CLASP1: variants seen among roughly 807,000 people sequenced by gnomAD.
CLASP1 encodes cytoplasmic linker associated protein 1.
In CLASP1, 38 loss-of-function variants were observed where a neutral mutation model predicts 192.3. That is an observed-to-expected ratio of 0.20 (90% CI 0.15 to 0.26). The LOEUF is 0.26. Among genes scored for constraint, CLASP1 ranks in the 10% least tolerant of loss-of-function variants. CLASP1 has a pLI of 1.00. For missense variants in CLASP1, 1,433 were observed against 1,932.5 expected (o/e 0.74, Z 4.85); for synonymous variants, 691 against 712.8 (o/e 0.97, Z 0.49).
At chr2:121,520,201 C>T (rs2094427144) in intron 6 of CLASP1, among the ~76,000 whole-genome samples, 1 of 152,188 alleles carries the variant, frequency 6.6e-6, no homozygotes. Flanking sequence ...TCTCTGGGGG[C>T]AAGTCAACAT....
rs11338192 is a variant in CLASP1, at chr2:121,440,819, GAA to G, written c.1912+6516_1912+6517del. Among the ~76,000 whole-genome samples the G allele has an allele frequency of 2.9e-4, 38 of 132,160 alleles. No homozygotes were observed. In the South Asian group the frequency reaches 4.3e-3, roughly 15 times the overall value. 86.7% of individuals were successfully genotyped at this position (132,160 alleles called of 152,430 possible). ...GAAAAAAAAGTCAGCACAAGTAACA[GAA>G]AAAAAAAAAAAGAGGTAAAGAACTG... On this transcript the variant is annotated intron_variant, in intron 19 of 39. Transcript: ENST00000263710.
In CLASP1 at chr2:121,559,893, T is replaced by TCA. The variant is rs1293930894; in HGVS notation, c.196-29569_196-29568insTG. Among the ~76,000 whole-genome samples, 1,114 of 151,764 alleles carry TCA rather than the reference T, an allele frequency of 7.3e-3. 16 individuals are homozygous for TCA. The highest frequency in any genetic ancestry group is 0.025 in the African/African-American group (1,017 of 41,144). On this transcript the variant is annotated intron_variant, in intron 2 of 39. Coordinates refer to ENST00000263710, the Ensembl canonical transcript of CLASP1. ...ACCTTAATAATTATCATCATCATCA[T>TCA]TATCATCATCATCATTACAATGGCT...
chr2:121,348,566 G>A (rs372561154), exon 38 of CLASP1: 69 of 1,613,358 alleles, frequency 4.3e-5, no homozygotes, highest in African/African-American at 6.7e-5. Flanking sequence ...ACTCCTTTGC[G>A]ATCCTCTCGA....
At chr2:121,349,729 G>A (rs2064002608) in intron 37 of CLASP1, among the ~76,000 whole-genome samples, 1 of 152,178 alleles carries the variant, frequency 6.6e-6, no homozygotes, top group Non-Finnish European at 1.5e-5. Context: ...TTTTTAGGGA[G>A]GTACATGAAA....
chr2:121,451,998 A>C lies in CLASP1; in HGVS notation c.1386-149T>G, dbSNP rs916367858. The C allele has an allele frequency of 3.7e-5, 24 of 652,258 alleles. No individual in the cohort carries two copies. The Admixed American group carries it at 6.9e-4, about 19-fold the overall frequency. The allele number at this position is 652,258 out of a possible 1,614,324, so 40.4% of individuals were successfully genotyped here. ...TTAGAAAAACAGAACATAAAGAATG[A>C]ATCAGAACTGACTAAAAACCAAAGC... On this transcript the variant is annotated intron_variant, in intron 14 of 39. Transcript: ENST00000263710.
In CLASP1 at chr2:121,457,649, A is replaced by G. The variant is rs536939924; in HGVS notation, c.1385+38T>C. ...ATTTGGAATTTGTTTTGGTTTTTAA[A>G]CAATTCAAAAACAATGAGAAAATCC... On this transcript the variant is annotated intron_variant, in intron 14 of 39. Coordinates refer to ENST00000263710, the Ensembl canonical transcript of CLASP1. 1.2e-5 allele frequency: 18 copies of G among 1,525,368 alleles called. No individual in the cohort carries two copies. In the Admixed American group the frequency reaches 2.1e-4, roughly 18 times the overall value. The allele number at this position is 1,525,368 out of a possible 1,614,324, so 94.5% of individuals were successfully genotyped here.
intron 19 of CLASP1, among the ~76,000 whole-genome samples, chr2:121,446,818 T>G (rs2084435405): frequency 6.6e-6 from 1 of 152,210 alleles, no homozygotes; most frequent in African/African-American, 2.4e-5. Flanking sequence ...ACAGACATGG[T>G]TATGCTGATT....
intron 34 of CLASP1, among the ~76,000 whole-genome samples, chr2:121,373,794 T>C (rs2069303311): frequency 6.6e-6 from 1 of 152,206 alleles, no homozygotes; most frequent in Non-Finnish European, 1.5e-5. Flanking sequence ...AGCAGTAAAG[T>C]GTTCAAGATG....
chr2:121,374,514 C>T (rs539727933), intron 34 of CLASP1, among the ~76,000 whole-genome samples: 11 of 152,340 alleles, frequency 7.2e-5, no homozygotes, highest in East Asian at 3.9e-4. Flanking sequence ...GATCCCAGAA[C>T]GGTAGATCCA....
intron 3 of CLASP1, among the ~76,000 whole-genome samples, chr2:121,529,542 A>T (rs2094694556): frequency 6.6e-6 from 1 of 152,232 alleles, no homozygotes; most frequent in Admixed American, 6.5e-5. Context: ...TAAAACAGAG[A>T]AATTCCATAA....
At chr2:121,340,851 G>C (rs2062695475) in exon 40 of CLASP1, 1 of 1,606,300 alleles carries the variant, frequency 6.2e-7, no homozygotes, top group Non-Finnish European at 8.5e-7. Flanking sequence ...ACAAGAGACA[G>C]GTACTGCCAT....
chr2:121,339,622 C>T (rs192609431), exon 40 of CLASP1: 5 of 152,240 alleles, frequency 3.3e-5, no homozygotes, highest in East Asian at 1.9e-4. Context: ...CCTAGTGGTT[C>T]GCTGAGGAGG....
At chr2:121,435,331 A>G (rs1312837873) in intron 19 of CLASP1, among the ~76,000 whole-genome samples, 1 of 152,030 alleles carries the variant, frequency 6.6e-6, no homozygotes, top group Non-Finnish European at 1.5e-5. Flanking sequence ...CTGGAGTTCA[A>G]TGGCGCAATC....
intron 1 of CLASP1, among the ~76,000 whole-genome samples, chr2:121,627,727 A>G (rs185983799): frequency 5.3e-5 from 8 of 152,294 alleles, no homozygotes; most frequent in African/African-American, 1.4e-4. Context: ...ACAGCCTTCA[A>G]AGATAAGGAA....
At chr2:121,468,708 A>G (rs2090113475) in intron 9 of CLASP1, among the ~76,000 whole-genome samples, 1 of 152,316 alleles carries the variant, frequency 6.6e-6, no homozygotes, top group Middle Eastern at 3.4e-3. Flanking sequence ...ATATAGGATC[A>G]TGTCATCTGC....
At chr2:121,508,791 G>A (rs1243635122) in intron 7 of CLASP1, among the ~76,000 whole-genome samples, 1 of 151,994 alleles carries the variant, frequency 6.6e-6, no homozygotes, top group Non-Finnish European at 1.5e-5. Context: ...AGTAAAGGAT[G>A]GAAAAAGATA....
intron 2 of CLASP1, among the ~76,000 whole-genome samples, chr2:121,565,201 G>A (rs919454995): frequency 1.3e-5 from 2 of 152,176 alleles, no homozygotes; most frequent in African/African-American, 4.8e-5. Context: ...GCATGAACAG[G>A]GAATGTCCCA....
chr2:121,632,124 G>GTGCA (rs1559825504), intron 1 of CLASP1, among the ~76,000 whole-genome samples: 1 of 152,080 alleles, frequency 6.6e-6, no homozygotes, highest in Non-Finnish European at 1.5e-5. Context: ...TGCACCTGTA[G>GTGCA]TCCCAGCTAC....
intron 7 of CLASP1, among the ~76,000 whole-genome samples, chr2:121,507,098 T>C (rs2093968216): frequency 6.6e-6 from 1 of 152,212 alleles, no homozygotes; most frequent in African/African-American, 2.4e-5. Flanking sequence ...AAACTATTTT[T>C]AAGGACACCT....
Sources: allele counts gnomAD v4.1 joint callset (sites outside exome capture counted in the v4.1 genomes callset), GRCh38; gene constraint gnomAD v4.1.1; transcripts MANE v1.5; gene names NCBI Gene and HGNC (gene_info 2026-07-23, HGNC 2026-07-21).